SYNE1: variants seen among roughly 807,000 people sequenced by gnomAD.
SYNE1 encodes the protein nesprin-1.
Under a neutral mutation model 1,111.0 loss-of-function variants are expected in SYNE1, and 616 were observed. That is an observed-to-expected ratio of 0.55 (90% CI 0.52 to 0.59). The LOEUF is 0.59. Ranked by LOEUF, SYNE1 falls within the 20% of genes least tolerant of loss-of-function variation. The pLI is 0.00. For missense variants in SYNE1, 10,006 were observed against 10,417.0 expected, an observed-to-expected ratio of 0.96 and a Z score of 1.72; for synonymous variants, 3,855 against 3,825.8, an observed-to-expected ratio of 1.01 and a Z score of -0.28.
At chr6:152,270,768 TAC>T (rs2093136274) in intron 98 of SYNE1, among the ~76,000 whole-genome samples, 1 of 152,182 alleles carries the variant, frequency 6.6e-6, no homozygotes, top group South Asian at 2.1e-4. Context: ...AGATAAGGCC[TAC>T]AGAGACTGAT....
Position 152,461,740 on chromosome 6 carries a change from C to G in SYNE1, c.2251G>C (p.Asp751His), listed in dbSNP as rs1213979988. 6.2e-7 allele frequency: 1 copy of G among 1,613,922 alleles called. No homozygotes were observed. Among genetic ancestry groups the G allele is most frequent in the Non-Finnish European group, 8.5e-7 (1 of 1,179,936 alleles). The part of the protein sequence containing the change: ...NVKLLIQDLE[D>H]IEQRVPVMDA... ...ATCACAGGCACCCTCTGCTCAATAT[C>G]CTGCATGAATCATTGAAACAGCCAG... The change falls in exon 21 of 146, where the codon GAT becomes CAT. Residue 751 changes from aspartate to histidine, a missense_variant and splice_region_variant. Coordinates refer to ENST00000367255, the MANE Select transcript of SYNE1 (RefSeq NM_182961.4).
chr6:152,289,164 A>G (rs1188534195), intron 95 of SYNE1, among the ~76,000 whole-genome samples: 4 of 152,210 alleles, frequency 2.6e-5, no homozygotes, highest in Non-Finnish European at 4.4e-5. Context: ...AACTCTGAGT[A>G]TAAGAGCTGG....
chr6:152,229,530 T>C (rs2082281979), intron 115 of SYNE1, among the ~76,000 whole-genome samples: 1 of 152,162 alleles, frequency 6.6e-6, no homozygotes, highest in South Asian at 2.1e-4. Flanking sequence ...AATAATGGGA[T>C]ATTATTAATA....
chr6:152,262,032 C>A lies in SYNE1; in HGVS notation c.18972G>T (p.Val6324=), dbSNP rs1316935433. ...QNVLEQEQEQ[V]LYSRPNRLLS... ...ATATATAATGTAAAATATTTGATAC[C>A]ACTTGCTCTTGTTCCTGTTCCAGAA... The change falls in exon 101 of 146, where the codon GTG becomes GTT. Residue 6324 remains valine, a splice_region_variant and synonymous_variant. Transcript: ENST00000367255. The A allele has an allele frequency of 6.2e-7, 1 of 1,611,510 alleles. No individual in the cohort carries two copies. The highest frequency in any genetic ancestry group is 8.5e-7 in the Non-Finnish European group (1 of 1,178,848).
chr6:152,142,693 T>C (rs80349392), intron 138 of SYNE1, among the ~76,000 whole-genome samples: 2,341 of 152,336 alleles, frequency 0.015, 55 homozygotes, highest in African/African-American at 0.053. Context: ...AACTATATCA[T>C]AGGTATTTTT....
rs2096590726 is a variant in SYNE1, at chr6:152,344,216, A to T, written c.12090T>A (p.Ser4030Arg). Residue 4030 changes from serine (S) to arginine (R), a missense_variant, in exon 74 of 146, where the codon AGT (serine) becomes AGA (arginine). Physicochemically the swap from Ser to Arg is moderately radical, Grantham distance 110. Around this residue, in one of 7 missense-constraint regions of SYNE1, gnomAD observed 4,955 missense variants for 5,017.2 expected, o/e 0.99. Transcript: ENST00000367255. ...CGTGCTTCTGAAGTTCGTGTTCCAA[A>T]CTCTGGTACATCTGAGACAATACAA... ...ICSTAQRMYQ[S>R]LEHELQKHVS... 1 of 1,614,104 alleles carries T rather than the reference A, an allele frequency of 6.2e-7. No homozygotes were observed. The highest frequency in any genetic ancestry group is 2.2e-5 in the East Asian group (1 of 44,870).
chr6:152,339,192 G>T, intron 75 of SYNE1, 49 bp downstream of exon 75: 1 of 1,605,912 alleles, frequency 6.2e-7, no homozygotes, highest in South Asian at 1.1e-5. Flanking sequence ...ATTCAAGCAA[G>T]AGAATATAAT....
intron 3 of SYNE1, among the ~76,000 whole-genome samples, chr6:152,563,162 T>C (rs958443009): frequency 2.0e-5 from 3 of 152,058 alleles, no homozygotes; most frequent in African/African-American, 7.2e-5. Context: ...TGTAGATTGT[T>C]TTTATCATAT....
In SYNE1 at chr6:152,211,556, C is replaced by T; in HGVS notation, c.22527G>A (p.Gln7509=). Residue 7509 remains glutamine (Q), a synonymous_variant, in exon 124 of 146, where the codon CAG becomes CAA. Transcript: ENST00000367255. ...LFQAEMFSRQ[Q]ILHSIIIDGQ... is the part of the protein sequence containing the mutation. ...CATCAATAATGATTGAGTGCAAAAT[C>T]TGCTGACGACTGAACATCTCGGCTT... The T allele has an allele frequency of 6.2e-7, 1 of 1,613,852 alleles. No individual in the cohort carries two copies. Among genetic ancestry groups the T allele is most frequent in the East Asian group, 2.2e-5 (1 of 44,838 alleles).
chr6:152,505,339 GA>G lies in SYNE1; in HGVS notation c.639del (p.His214IlefsTer17), dbSNP rs1412791793. The G allele has an allele frequency of 3.1e-6, 5 of 1,613,918 alleles. No homozygotes were observed. The highest frequency in any genetic ancestry group is 4.2e-6 in the Non-Finnish European group (5 of 1,180,000). ...FGKSWRSGVA[F>X]HSVIHAIRPE... ...GGTCGAATGGCATGAATAACTGAAT[GA>G]AAGGCAACCCCGCTTCTCCAACTCT... On this transcript the variant is annotated frameshift_variant, in exon 9 of 146. Coordinates refer to ENST00000367255, the MANE Select transcript of SYNE1 (RefSeq NM_182961.4). LOFTEE classifies it high-confidence loss of function.
chr6:152,311,670 T>C (rs1348448349), intron 87 of SYNE1, among the ~76,000 whole-genome samples: 2 of 152,164 alleles, frequency 1.3e-5, no homozygotes, highest in Non-Finnish European at 1.5e-5. Flanking sequence ...GAACAGCATA[T>C]GCATAGGTAC....
intron 98 of SYNE1, among the ~76,000 whole-genome samples, chr6:152,270,960 C>T (rs2093154613): frequency 6.6e-6 from 1 of 152,150 alleles, no homozygotes; most frequent in African/African-American, 2.4e-5. Context: ...GAGAACAGAG[C>T]AGTGAAGAGG....
chr6:152,615,064 G>C (rs1035686805), intron 3 of SYNE1, among the ~76,000 whole-genome samples: 5 of 151,976 alleles, frequency 3.3e-5, no homozygotes, highest in African/African-American at 1.2e-4. Flanking sequence ...AAACTAACAT[G>C]GCACATGTAT....
chr6:152,504,222 C>T (rs1181875817), intron 9 of SYNE1, among the ~76,000 whole-genome samples: 1 of 152,086 alleles, frequency 6.6e-6, no homozygotes, highest in African/African-American at 2.4e-5. Context: ...GCAGAAAGCC[C>T]TTTGATATCC....
chr6:152,163,528 A>G, intron 131 of SYNE1, among the ~76,000 whole-genome samples: 1 of 151,354 alleles, frequency 6.6e-6, no homozygotes, highest in Non-Finnish European at 1.5e-5. Flanking sequence ...AGAAAGAATA[A>G]ATGAGGGAGG....
intron 3 of SYNE1, among the ~76,000 whole-genome samples, chr6:152,621,844 A>G (rs2099676186): frequency 6.6e-6 from 1 of 152,176 alleles, no homozygotes. Flanking sequence ...AAAACAACAA[A>G]CACATCACTC....
intron 20 of SYNE1, chr6:152,462,441 T>G: frequency 8.0e-6 from 4 of 501,948 alleles, no homozygotes; most frequent in Non-Finnish European, 1.4e-5. Flanking sequence ...TTGAAAGTAT[T>G]TAGGTGCGGG....
At chr6:152,250,070 C>T (rs962872174) in intron 104 of SYNE1, among the ~76,000 whole-genome samples, 6 of 151,856 alleles carry the variant, frequency 4.0e-5, no homozygotes, top group African/African-American at 1.5e-4. Flanking sequence ...CAAGACCAGC[C>T]GGGGCAACAC....
intron 3 of SYNE1, among the ~76,000 whole-genome samples, chr6:152,566,570 T>C (rs140784538): frequency 2.5e-3 from 378 of 152,264 alleles, no homozygotes; most frequent in African/African-American, 8.1e-3. Flanking sequence ...TAAAAGAGCA[T>C]TTTTGGCACA....
Sources: allele counts gnomAD v4.1 joint callset (sites outside exome capture counted in the v4.1 genomes callset), GRCh38; gene constraint gnomAD v4.1.1; regional missense constraint gnomAD v4.1.1; transcripts MANE v1.5; gene names NCBI Gene and HGNC (gene_info 2026-07-23, HGNC 2026-07-21).